WFDC9: variants seen among roughly 807,000 people sequenced by gnomAD.
WFDC9 encodes WAP four-disulfide core domain 9.
In WFDC9, 9 loss-of-function variants were observed where a neutral mutation model predicts 9.5. The ratio of observed to expected loss-of-function variants is 0.95; its 90% CI spans 0.57 to 1.65. WFDC9 has a LOEUF of 1.65. Among genes scored for constraint, WFDC9 ranks in the 40% most tolerant of loss-of-function variants. WFDC9 has a pLI of 0.00. For synonymous variants in WFDC9, 33 were observed against 32.3 expected (o/e 1.02, Z -0.07); for missense variants, 87 against 106.7 (o/e 0.82, Z 0.81).
chr20:45,623,189 A>T (rs1982138788), intron 1 of WFDC9, among the ~76,000 whole-genome samples: 1 of 152,170 alleles, frequency 6.6e-6, no homozygotes, highest in Non-Finnish European at 1.5e-5. Flanking sequence ...GGCCAGGAAA[A>T]TAGCAAACAG....
At chr20:45,608,546 TC>T (rs1981778485) in intron 4 of WFDC9, 116 bp downstream of exon 4, 2 of 1,295,990 alleles carry the variant, frequency 1.5e-6, no homozygotes, top group Non-Finnish European at 1.1e-6. Context: ...GAGGACATTG[TC>T]TTTTGCTGCC....
chr20:45,607,972 T>C lies in WFDC9; in HGVS notation c.*138A>G. 1.0e-6 allele frequency: 1 copy of C among 963,464 alleles called. No individual in the cohort carries two copies. The highest frequency in any genetic ancestry group is 1.6e-6 in the Non-Finnish European group (1 of 616,164). The allele number at this position is 963,464 out of a possible 1,614,324, so 59.7% of individuals were successfully genotyped here. On this transcript the variant is annotated 3_prime_UTR_variant, in exon 5 of 5. Coordinates refer to ENST00000326000, the MANE Select transcript of WFDC9 (RefSeq NM_147198.4). ...ATGTAGCAGTTTATTTGACAAAAGC[T>C]TCAGGGTAAAGAGGTCAAGGAAATA...
intron 3 of WFDC9, among the ~76,000 whole-genome samples, chr20:45,609,133 C>T (rs1057491577): frequency 2.0e-5 from 3 of 152,122 alleles, no homozygotes; most frequent in Non-Finnish European, 4.4e-5. Flanking sequence ...CCTCTAACTC[C>T]AATTTCCAAA....
At chr20:45,627,545 G>T (rs1455091432) in intron 1 of WFDC9, among the ~76,000 whole-genome samples, 2 of 145,240 alleles carry the variant, frequency 1.4e-5, no homozygotes. Flanking sequence ...GGTTCAGTGT[G>T]GTAGGTTGTA....
intron 2 of WFDC9, among the ~76,000 whole-genome samples, chr20:45,612,028 C>T (rs1180967729): frequency 1.3e-5 from 2 of 152,132 alleles, no homozygotes; most frequent in Non-Finnish European, 2.9e-5. Context: ...TGGTTTTCCC[C>T]ATCCATATTA....
chr20:45,624,641 A>G (rs562468104), intron 1 of WFDC9, among the ~76,000 whole-genome samples: 7 of 152,312 alleles, frequency 4.6e-5, no homozygotes, highest in African/African-American at 1.7e-4. Context: ...AGAAATTGCA[A>G]TACCATTCTC....
At chr20:45,617,165 T>A (rs1159789408) in intron 1 of WFDC9, among the ~76,000 whole-genome samples, 1 of 152,144 alleles carries the variant, frequency 6.6e-6, no homozygotes, top group Non-Finnish European at 1.5e-5. Context: ...CAGTTAAAAA[T>A]CTATGTATAG....
Position 45,613,985 on chromosome 20 carries a change from A to G in WFDC9, c.-59+643T>C, listed in dbSNP as rs150359117. Among the ~76,000 whole-genome samples, 609 of 152,322 alleles carry G rather than the reference A, an allele frequency of 4.0e-3. 4 individuals are homozygous for G. The highest frequency in any genetic ancestry group is 0.014 in the African/African-American group (565 of 41,574). ...TAAAGAAGGAGGAATACTGATATAC[A>G]GTGACAGGAACACCATAAATCCAAA... On this transcript the variant is annotated intron_variant, in intron 2 of 4. Transcript: ENST00000326000.
intron 1 of WFDC9, among the ~76,000 whole-genome samples, chr20:45,626,762 C>A (rs188344246): frequency 9.2e-5 from 14 of 152,216 alleles, no homozygotes; most frequent in Non-Finnish European, 2.1e-4. Flanking sequence ...ATTTTGATGT[C>A]CTTTATTGTT....
At chr20:45,609,989 G>A in intron 3 of WFDC9, 102 bp downstream of exon 3, 2 of 864,172 alleles carry the variant, frequency 2.3e-6, no homozygotes, top group South Asian at 1.7e-5. Flanking sequence ...TACTTAAGGA[G>A]AGATCCTTTA....
chr20:45,626,972 A>G (rs547459917), intron 1 of WFDC9, among the ~76,000 whole-genome samples: 5 of 152,256 alleles, frequency 3.3e-5, no homozygotes, highest in Admixed American at 2.6e-4. Flanking sequence ...TATGATCTTT[A>G]TTATGTGGAG....
At chr20:45,629,798 C>T (rs759939069) in intron 1 of WFDC9, 6 of 1,611,984 alleles carry the variant, frequency 3.7e-6, no homozygotes, top group Non-Finnish European at 5.1e-6. Flanking sequence ...ATAGGGCTCA[C>T]GATCTGATCA....
intron 2 of WFDC9, 80 bp downstream of exon 2, chr20:45,614,548 G>C (rs1272105165): frequency 5.3e-5 from 8 of 152,090 alleles, no homozygotes; most frequent in Non-Finnish European, 7.3e-5. Flanking sequence ...CACAGGAATA[G>C]TGACACCATC....
chr20:45,608,181 T>TA, intron 4 of WFDC9, 41 bp from the exon 5 acceptor site: 2 of 1,588,752 alleles, frequency 1.3e-6, no homozygotes, highest in Non-Finnish European at 1.7e-6. Flanking sequence ...AATCCTGGGA[T>TA]AAATCCATTT....
chr20:45,610,344 C>A, intron 2 of WFDC9, 105 bp from the exon 3 acceptor site: 1 of 531,018 alleles, frequency 1.9e-6, no homozygotes. Context: ...CAGTAGCATA[C>A]CAACCAACTC....
At chr20:45,609,699 C>T (rs1483392406) in intron 3 of WFDC9, among the ~76,000 whole-genome samples, 1 of 152,142 alleles carries the variant, frequency 6.6e-6, no homozygotes, top group East Asian at 1.9e-4. Context: ...AAAGACTCTT[C>T]CCCTCCAACT....
At chr20:45,612,829 A>C (rs181579003) in intron 2 of WFDC9, among the ~76,000 whole-genome samples, 28 of 152,310 alleles carry the variant, frequency 1.8e-4, no homozygotes, top group Admixed American at 1.6e-3. Flanking sequence ...ACCTAATTAC[A>C]ATGGAAACTT....
intron 2 of WFDC9, among the ~76,000 whole-genome samples, chr20:45,612,679 T>C (rs1447030231): frequency 6.6e-6 from 1 of 152,136 alleles, no homozygotes; most frequent in Non-Finnish European, 1.5e-5. Context: ...AAACTGAAAG[T>C]ACTCCCATTA....
intron 2 of WFDC9, among the ~76,000 whole-genome samples, chr20:45,611,302 G>T (rs971227196): frequency 3.3e-5 from 5 of 152,122 alleles, no homozygotes; most frequent in African/African-American, 9.7e-5. Context: ...GGAGGCGGGG[G>T]AGAGAGATTC....
Sources: allele counts gnomAD v4.1 joint callset (sites outside exome capture counted in the v4.1 genomes callset), GRCh38; gene constraint gnomAD v4.1.1; transcripts MANE v1.5; gene names NCBI Gene and HGNC (gene_info 2026-07-23, HGNC 2026-07-21).